FHIP1A: variants seen among roughly 807,000 people sequenced by gnomAD.
FHIP1A encodes the protein FHF complex subunit HOOK-interacting protein 1A.
In FHIP1A, 61 loss-of-function variants were observed where a neutral mutation model predicts 88.6. The ratio of observed to expected loss-of-function variants is 0.69; its 90% CI spans 0.56 to 0.85. The LOEUF (loss-of-function observed/expected upper bound fraction) is 0.85, where lower values mean the gene tolerates loss of function less well. FHIP1A is among the 40% of genes least tolerant of loss of function. FHIP1A has a pLI of 0.00. For missense variants in FHIP1A, 1,154 were observed against 1,273.5 expected (o/e 0.91, Z 1.43); for synonymous variants, 478 against 496.0 (o/e 0.96, Z 0.48).
At chr4:151,468,906 G>A (rs1293978363) in intron 2 of FHIP1A, among the ~76,000 whole-genome samples, 2 of 152,144 alleles carry the variant, frequency 1.3e-5, no homozygotes, top group African/African-American at 4.8e-5. Context: ...ACCTGTTCCT[G>A]TTCTCAGTGT....
chr4:151,591,093 C>CTT (rs552966792), intron 7 of FHIP1A, among the ~76,000 whole-genome samples: 10 of 140,826 alleles, frequency 7.1e-5, no homozygotes, highest in African/African-American at 1.5e-4. Flanking sequence ...TGTTGGTTTG[C>CTT]TTTTTTTTTT....
chr4:151,416,573 ATCT>A (rs1321088993), intron 1 of FHIP1A, among the ~76,000 whole-genome samples: 1 of 152,114 alleles, frequency 6.6e-6, no homozygotes, highest in African/African-American at 2.4e-5. Context: ...TAAAAGTATG[ATCT>A]TCTTCAGGTC....
At chr4:151,430,493 T>C (rs1733550549) in intron 1 of FHIP1A, among the ~76,000 whole-genome samples, 1 of 152,244 alleles carries the variant, frequency 6.6e-6, no homozygotes. Context: ...CCAGCACTTA[T>C]CCTTTTTTGT....
intron 6 of FHIP1A, among the ~76,000 whole-genome samples, chr4:151,587,521 T>A (rs1490310157): frequency 2.0e-5 from 3 of 151,902 alleles, no homozygotes; most frequent in Non-Finnish European, 4.4e-5. Flanking sequence ...CTCGGCCTTT[T>A]TTTTTATTAT....
intron 7 of FHIP1A, among the ~76,000 whole-genome samples, chr4:151,590,495 A>G (rs1046079330): frequency 6.6e-6 from 1 of 152,234 alleles, no homozygotes; most frequent in African/African-American, 2.4e-5. Context: ...ATCACTTAGT[A>G]CAGGTAAAGT....
chr4:151,451,097 T>G (rs1035917649), intron 1 of FHIP1A, among the ~76,000 whole-genome samples: 1 of 152,116 alleles, frequency 6.6e-6, no homozygotes, highest in Admixed American at 6.6e-5. Flanking sequence ...TACTTTAAAT[T>G]AAGAATGAGA....
chr4:151,448,007 C>T (rs1728667921), intron 1 of FHIP1A, among the ~76,000 whole-genome samples: 1 of 152,188 alleles, frequency 6.6e-6, no homozygotes, highest in Non-Finnish European at 1.5e-5. Flanking sequence ...CTCCCAGGTT[C>T]AAGCAATTCT....
chr4:151,535,162 G>A (rs1732020657), intron 3 of FHIP1A, among the ~76,000 whole-genome samples: 1 of 152,188 alleles, frequency 6.6e-6, no homozygotes, highest in African/African-American at 2.4e-5. Context: ...GCTGCAGTGA[G>A]CTGTGATTGT....
rs546985912 is a variant in FHIP1A, at chr4:151,665,579, A to T, written c.*2825A>T. Among the ~76,000 whole-genome samples the T allele has an allele frequency of 6.6e-6, 1 of 152,292 alleles. No individual in the cohort carries two copies. The highest frequency in any genetic ancestry group is 1.9e-4 in the East Asian group (1 of 5,182). ...AGGGAGTGACGTGGACATGCCAAAG[A>T]AAAACAGCAGAGAACTGAGTCTATC... On this transcript the variant is annotated 3_prime_UTR_variant, in exon 14 of 14. Transcript: ENST00000435205.
chr4:151,560,120 A>G (rs1733114536), intron 3 of FHIP1A, among the ~76,000 whole-genome samples: 1 of 152,198 alleles, frequency 6.6e-6, no homozygotes, highest in Non-Finnish European at 1.5e-5. Context: ...TATGAGATTC[A>G]TGGATGTATA....
rs147275561 is a variant in FHIP1A, at chr4:151,546,753, A to G, written c.-122-19385A>G. ...GGATTCAATATTTGGCTTAACTGTTAATGTGGACATACACACGCAACATGT... is the reference window on the plus strand; with the variant it reads ...GGATTCAATATTTGGCTTAACTGTTGATGTGGACATACACACGCAACATGT... On this transcript the variant is annotated intron_variant, in intron 3 of 13. Transcript: ENST00000435205. Among the ~76,000 whole-genome samples the G allele has an allele frequency of 1.4e-3, 215 of 152,336 alleles. 1 individual carries two copies. In the South Asian group the frequency reaches 0.018, roughly 13 times the overall value.
At chr4:151,418,181 A>AG (rs902131091) in intron 1 of FHIP1A, among the ~76,000 whole-genome samples, 3 of 150,964 alleles carry the variant, frequency 2.0e-5, no homozygotes, top group African/African-American at 7.3e-5. Flanking sequence ...CTAAAAAAAA[A>AG]AAAAAAAAAA....
At chr4:151,471,657 G>A (rs1220484223) in intron 2 of FHIP1A, among the ~76,000 whole-genome samples, 2 of 151,958 alleles carry the variant, frequency 1.3e-5, no homozygotes, top group Admixed American at 6.6e-5. Context: ...ATCAGGTGGT[G>A]TTTGGTTACA....
intron 1 of FHIP1A, among the ~76,000 whole-genome samples, chr4:151,414,759 T>G (rs773797014): frequency 2.0e-5 from 3 of 152,216 alleles, no homozygotes; most frequent in African/African-American, 4.8e-5. Flanking sequence ...TTATAAAAAG[T>G]TAACACCCTT....
chr4:151,478,035 A>G (rs1284948178), intron 2 of FHIP1A, among the ~76,000 whole-genome samples: 1 of 152,192 alleles, frequency 6.6e-6, no homozygotes, highest in African/African-American at 2.4e-5. Context: ...TACTTATTAC[A>G]TGCATGAGAA....
intron 3 of FHIP1A, among the ~76,000 whole-genome samples, chr4:151,485,883 C>T (rs1172473339): frequency 2.6e-5 from 4 of 152,208 alleles, no homozygotes; most frequent in African/African-American, 7.2e-5. Flanking sequence ...GCCACTGTGC[C>T]TGGCTGAGGT....
intron 7 of FHIP1A, among the ~76,000 whole-genome samples, chr4:151,615,139 A>G (rs1353335580): frequency 6.6e-6 from 1 of 152,206 alleles, no homozygotes; most frequent in Non-Finnish European, 1.5e-5. Flanking sequence ...AACTCTTACA[A>G]TGGGAGACAG....
At position 151,511,853 on chromosome 4, in the gene FHIP1A, G is replaced by A. The variant is rs62327255; in HGVS notation, c.-123+29205G>A. Among the ~76,000 whole-genome samples the A allele has an allele frequency of 8.8e-3, 1,336 of 152,374 alleles. 15 individuals carry two copies. Among genetic ancestry groups the A allele is most frequent in the Non-Finnish European group, 0.016 (1,074 of 68,032 alleles). On this transcript the variant is annotated intron_variant, in intron 3 of 13. Transcript: ENST00000435205. Reference sequence around the variant, plus strand: ...TGCCTCTGTAGGCTCCGCCTCTGGGGGCAGGGCACAGACAAACAAAAAGAC... The same window carrying A: ...TGCCTCTGTAGGCTCCGCCTCTGGGAGCAGGGCACAGACAAACAAAAAGAC...
At position 151,668,456 on chromosome 4, in the gene FHIP1A, A is replaced by G. The variant is rs1195986749; in HGVS notation, c.*5702A>G. ...ATTTTAGCAATAATTACTAAAATGT[A>G]CATGGGGTGGGGGAGCTCAGCTAAA... On this transcript the variant is annotated 3_prime_UTR_variant, in exon 14 of 14. Transcript: ENST00000435205. Among the ~76,000 whole-genome samples, 1 of 152,214 alleles carries G rather than the reference A, an allele frequency of 6.6e-6. No homozygotes were observed. The highest frequency in any genetic ancestry group is 1.5e-5 in the Non-Finnish European group (1 of 68,042).
Sources: allele counts gnomAD v4.1 joint callset (sites outside exome capture counted in the v4.1 genomes callset), GRCh38; gene constraint gnomAD v4.1.1; transcripts MANE v1.5; gene names NCBI Gene and HGNC (gene_info 2026-07-23, HGNC 2026-07-21).